DOCK2: variants seen among roughly 807,000 people sequenced by gnomAD.
DOCK2 encodes the protein dedicator of cytokinesis 2.
Under a neutral mutation model 248.9 loss-of-function variants are expected in DOCK2, and 87 were observed. The ratio of observed to expected loss-of-function variants is 0.35; its 90% confidence interval spans 0.29 to 0.42. The LOEUF is 0.42. DOCK2 is among the 10% of genes least tolerant of loss of function. The probability of loss-of-function intolerance (pLI) is 1.00; values close to 1 mark genes in which losing one functional copy is unlikely to be tolerated. For missense variants in DOCK2, 1,747 were observed against 2,300.2 expected (o/e 0.76, Z 4.92); for synonymous variants, 805 against 821.6 (o/e 0.98, Z 0.35).
At chr5:169,807,793 C>T (rs1767477808) in intron 26 of DOCK2, among the ~76,000 whole-genome samples, 1 of 120,996 alleles carries the variant, frequency 8.3e-6, no homozygotes, top group Non-Finnish European at 1.6e-5. Flanking sequence ...GAGATCATGG[C>T]ACTGCAATCC....
At position 169,882,745 on chromosome 5, in the gene DOCK2, C is replaced by T. The variant is rs1772730346; in HGVS notation, c.2799+41893C>T. 17 of 1,551,700 alleles carry T rather than the reference C, an allele frequency of 1.1e-5. No individual in the cohort carries two copies. Among genetic ancestry groups the T allele is most frequent in the Non-Finnish European group, 1.4e-5 (16 of 1,146,988 alleles). On this transcript the variant is annotated intron_variant, in intron 27 of 51. Coordinates refer to ENST00000520908, the MANE Select transcript of DOCK2 (RefSeq NM_004946.3). ...GTTGCTCTGAAGTTTGGTCTCACTC[C>T]TTGAAAGAGAGGATGGGAGATGATT...
rs140760407 is a variant in DOCK2, at chr5:169,934,060, T to A, written c.2800-49008T>A. On this transcript the variant is annotated intron_variant, in intron 27 of 51. Transcript: ENST00000520908. ...ATCTTCCCTTGATCCATACTGCTCATTGATCAGTGGTCACATTTGTAGCAC... is the reference window on the plus strand; with the variant it reads ...ATCTTCCCTTGATCCATACTGCTCAATGATCAGTGGTCACATTTGTAGCAC... Among the ~76,000 whole-genome samples, 20 of 152,316 alleles carry A rather than the reference T, an allele frequency of 1.3e-4. No homozygotes were observed. In the East Asian group the frequency reaches 3.9e-3, roughly 29 times the overall value.
chr5:169,654,364 T>C (rs781409133), intron 1 of DOCK2, 39 bp from the exon 2 acceptor site: 2 of 1,610,298 alleles, frequency 1.2e-6, no homozygotes, highest in Admixed American at 3.3e-5. Flanking sequence ...TAATGAGATC[T>C]AGAGGTCTCA....
chr5:169,938,494 T>C (rs961769312), intron 27 of DOCK2, among the ~76,000 whole-genome samples: 2 of 152,166 alleles, frequency 1.3e-5, no homozygotes, highest in Non-Finnish European at 2.9e-5. Flanking sequence ...TAGAACACAT[T>C]GGTAAATGTA....
chr5:170,019,369 A>G (rs1441204366), intron 33 of DOCK2, among the ~76,000 whole-genome samples: 1 of 152,130 alleles, frequency 6.6e-6, no homozygotes, highest in African/African-American at 2.4e-5. Flanking sequence ...TAAGAACCCC[A>G]CATCTCTACC....
chr5:169,784,901 G>A lies in DOCK2; in HGVS notation c.2555-18157G>A, dbSNP rs146833325. Among the ~76,000 whole-genome samples, 6 of 152,272 alleles carry A rather than the reference G, an allele frequency of 3.9e-5. No individual in the cohort carries two copies. In the East Asian group the frequency reaches 7.7e-4, roughly 20 times the overall value. ...AGGTGGAAATTATGATGAATACATA[G>A]CAGGTTTCCCACTGAAAAACATAAT... On this transcript the variant is annotated intron_variant, in intron 25 of 51. Transcript: ENST00000520908.
chr5:169,750,149 C>T (rs756005472), intron 23 of DOCK2, among the ~76,000 whole-genome samples: 1 of 152,168 alleles, frequency 6.6e-6, no homozygotes, highest in African/African-American at 2.4e-5. Context: ...GGCGCTGATG[C>T]CCCAAAGAAG....
At chr5:169,783,776 G>T (rs149661331) in intron 25 of DOCK2, among the ~76,000 whole-genome samples, 66 of 152,268 alleles carry the variant, frequency 4.3e-4, no homozygotes, top group African/African-American at 1.6e-3. Context: ...TACAAAGTAG[G>T]TTGTTATCAC....
intron 13 of DOCK2, 32 bp from the exon 14 acceptor site, chr5:169,702,271 C>T (rs1385850306): frequency 6.2e-7 from 1 of 1,611,164 alleles, no homozygotes; most frequent in East Asian, 2.2e-5. Flanking sequence ...GTAATCCACA[C>T]TAACTCTTGT....
chr5:169,833,207 A>T (rs532556735), intron 26 of DOCK2, among the ~76,000 whole-genome samples: 1 of 152,338 alleles, frequency 6.6e-6, no homozygotes, highest in Non-Finnish European at 1.5e-5. Context: ...TCATATTTTT[A>T]AAAGTGTATC....
chr5:169,865,556 G>A (rs550641648), intron 27 of DOCK2, among the ~76,000 whole-genome samples: 24 of 152,302 alleles, frequency 1.6e-4, no homozygotes, highest in African/African-American at 5.1e-4. Context: ...TCCTCCATGA[G>A]GAGGATTTAC....
intron 34 of DOCK2, among the ~76,000 whole-genome samples, chr5:170,033,470 C>G (rs1354228394): frequency 6.6e-6 from 1 of 152,186 alleles, no homozygotes; most frequent in Admixed American, 6.5e-5. Context: ...GCCATCACTA[C>G]GAGTTTGGTG....
chr5:169,850,819 C>A (rs557911978), intron 27 of DOCK2, among the ~76,000 whole-genome samples: 1 of 152,180 alleles, frequency 6.6e-6, no homozygotes, highest in African/African-American at 2.4e-5. Flanking sequence ...GTAGACTTCA[C>A]GGAACTGGAA....
intron 46 of DOCK2, among the ~76,000 whole-genome samples, chr5:170,072,084 G>T (rs1426137191): frequency 6.6e-6 from 1 of 152,094 alleles, no homozygotes; most frequent in African/African-American, 2.4e-5. Context: ...ATGCTATTCT[G>T]AACTTCCTTG....
intron 1 of DOCK2, among the ~76,000 whole-genome samples, chr5:169,648,638 G>T (rs554352002): frequency 6.6e-6 from 1 of 152,228 alleles, no homozygotes; most frequent in Non-Finnish European, 1.5e-5. Flanking sequence ...CCCCTTCTTT[G>T]CTGTGTTCAC....
At chr5:169,924,165 AAAGTCCCAG>A (rs1483690348) in intron 27 of DOCK2, among the ~76,000 whole-genome samples, 1 of 152,200 alleles carries the variant, frequency 6.6e-6, no homozygotes, top group African/African-American at 2.4e-5. Flanking sequence ...CAGTGCCTGG[AAAGTCCCAG>A]GGGACCACAG....
chr5:169,943,554 C>T (rs527466481), intron 27 of DOCK2, among the ~76,000 whole-genome samples: 4 of 152,240 alleles, frequency 2.6e-5, no homozygotes, highest in African/African-American at 9.6e-5. Context: ...GGAGAGTTGC[C>T]GTTTTCACAA....
intron 26 of DOCK2, among the ~76,000 whole-genome samples, chr5:169,829,494 A>G (rs983764715): frequency 2.4e-4 from 37 of 152,216 alleles, no homozygotes; most frequent in African/African-American, 8.2e-4. Flanking sequence ...CATTTCTGCA[A>G]TGAAAACCTT....
At chr5:169,715,595 CT>C (rs1306325431) in intron 19 of DOCK2, among the ~76,000 whole-genome samples, 267 of 142,030 alleles carry the variant, frequency 1.9e-3, no homozygotes, top group African/African-American at 2.3e-3. Flanking sequence ...ATTCTTTTTT[CT>C]TTTTTTTTTT....
Sources: allele counts gnomAD v4.1 joint callset (sites outside exome capture counted in the v4.1 genomes callset), GRCh38; gene constraint gnomAD v4.1.1; transcripts MANE v1.5; gene names NCBI Gene and HGNC (gene_info 2026-07-23, HGNC 2026-07-21).